Variants in NCOR1 observed in about 807,000 individuals in gnomAD.
NCOR1 encodes protein phosphatase 1, regulatory subunit 109.
In NCOR1, 63 loss-of-function variants were observed where a neutral mutation model predicts 288.1. The ratio of observed to expected loss-of-function variants is 0.22; its 90% confidence interval spans 0.18 to 0.27. NCOR1 has a LOEUF of 0.27. Among genes scored for constraint, NCOR1 ranks in the 10% least tolerant of loss-of-function variants. The pLI is 1.00. For missense variants in NCOR1, 2,397 were observed against 3,019.2 expected (o/e 0.79, Z 4.83); for synonymous variants, 1,007 against 1,065.9 (o/e 0.94, Z 1.08).
chr17:16,056,595 C>T (rs1180090276), intron 40 of NCOR1, among the ~76,000 whole-genome samples: 3 of 151,820 alleles, frequency 2.0e-5, no homozygotes, highest in Non-Finnish European at 4.4e-5. Context: ...GGATTACAGG[C>T]GTGAGCCACC....
chr17:16,141,029 T>C (rs2077081665), intron 11 of NCOR1, among the ~76,000 whole-genome samples: 2 of 145,286 alleles, frequency 1.4e-5, no homozygotes, highest in African/African-American at 5.3e-5. Context: ...TCACTTGTCC[T>C]GATATTATGC....
intron 40 of NCOR1, among the ~76,000 whole-genome samples, chr17:16,054,850 T>C (rs1295726260): frequency 2.6e-5 from 4 of 152,192 alleles, no homozygotes; most frequent in African/African-American, 4.8e-5. Flanking sequence ...GAGAATCACT[T>C]GAACCTGGGA....
At chr17:16,180,141 CA>C (rs1181244027) in intron 3 of NCOR1, among the ~76,000 whole-genome samples, 1 of 151,858 alleles carries the variant, frequency 6.6e-6, no homozygotes, top group African/African-American at 2.4e-5. Context: ...GACATTTCTC[CA>C]AAGAAAACAT....
chr17:16,165,667 A>T (rs966737680), intron 4 of NCOR1, among the ~76,000 whole-genome samples: 3 of 152,200 alleles, frequency 2.0e-5, no homozygotes, highest in African/African-American at 7.2e-5. Context: ...CAGAGAAGTG[A>T]CCTAGGAACT....
chr17:16,174,111 TG>T (rs1332473012), intron 3 of NCOR1, among the ~76,000 whole-genome samples: 3 of 152,232 alleles, frequency 2.0e-5, no homozygotes, highest in Non-Finnish European at 2.9e-5. Flanking sequence ...TGTCATTAAA[TG>T]ACAATACTAC....
At chr17:16,116,624 C>T (rs551000223) in intron 18 of NCOR1, among the ~76,000 whole-genome samples, 1 of 152,302 alleles carries the variant, frequency 6.6e-6, no homozygotes, top group Non-Finnish European at 1.5e-5. Flanking sequence ...TCTAAAATGA[C>T]ATTCCATGAA....
In NCOR1 at chr17:16,075,690, G is replaced by C; in HGVS notation, c.3514C>G (p.Leu1172Val). Residue 1172 changes from leucine to valine, a missense_variant, in exon 27 of 46, where the codon CTG becomes GTG. Physicochemically the swap from Leu to Val is conservative, Grantham distance 32 (BLOSUM62 1). This residue lies in a region of NCOR1 where 1,872 missense variants were observed against 2,187.8 expected (regional missense o/e 0.86). Coordinates refer to ENST00000268712, the MANE Select transcript of NCOR1 (RefSeq NM_006311.4). ...RGSITQGTPA[L>V]PQTGIPTEAL... is the part of the protein sequence containing the mutation. ...TCTGTTGGTATGCCAGTCTGGGGCA[G>C]AGCCGGGGTGCCCTGCCATCAAATC... is the stretch of plus-strand genomic sequence containing the variant. The C allele has an allele frequency of 6.2e-7, 1 of 1,614,144 alleles. No individual in the cohort carries two copies. The highest frequency in any genetic ancestry group is 1.1e-5 in the South Asian group (1 of 91,066).
chr17:16,174,099 A>G (rs900112514), intron 3 of NCOR1, among the ~76,000 whole-genome samples: 6 of 152,246 alleles, frequency 3.9e-5, no homozygotes, highest in African/African-American at 1.4e-4. Context: ...GTTGGAAGAT[A>G]ATGTCATTAA....
intron 33 of NCOR1, 27 bp downstream of exon 33, chr17:16,065,458 C>T (rs753037248): frequency 6.8e-6 from 11 of 1,609,758 alleles, no homozygotes; most frequent in African/African-American, 5.3e-5. Context: ...ATAAATTCTA[C>T]GAAATCTGAA....
At chr17:16,180,674 G>C (rs955624277) in intron 3 of NCOR1, among the ~76,000 whole-genome samples, 1 of 152,068 alleles carries the variant, frequency 6.6e-6, no homozygotes, top group African/African-American at 2.4e-5. Flanking sequence ...TTTGAGCCTG[G>C]GAGGTCCAGG....
intron 44 of NCOR1, among the ~76,000 whole-genome samples, chr17:16,036,415 G>A (rs1239682868): frequency 1.3e-5 from 2 of 152,156 alleles, no homozygotes; most frequent in African/African-American, 4.8e-5. Flanking sequence ...AATGGTAAAG[G>A]AGCACTGGCT....
chr17:16,116,297 T>A (rs574030635), intron 18 of NCOR1, among the ~76,000 whole-genome samples: 3 of 152,194 alleles, frequency 2.0e-5, no homozygotes, highest in Non-Finnish European at 4.4e-5. Context: ...TATAACATCA[T>A]GAAATGGCCA....
chr17:16,095,595 T>C (rs1248641248), intron 21 of NCOR1, among the ~76,000 whole-genome samples: 1 of 50,438 alleles, frequency 2.0e-5, no homozygotes, highest in Non-Finnish European at 3.9e-5. Flanking sequence ...GGGTCGCCTC[T>C]GCCCGGCCGC....
chr17:16,068,117 T>C lies in NCOR1; in HGVS notation c.4518A>G (p.Thr1506=). 6.2e-7 allele frequency: 1 copy of C among 1,604,916 alleles called. No homozygotes were observed. The highest frequency in any genetic ancestry group is 8.5e-7 in the Non-Finnish European group (1 of 1,174,446). ...GATTGGTAGACTTGTTAGAAGAAAT[T>C]GTAACTGGAAAAAAAGAGCCAATGC... ...SPMMNRTSDV[T]ISSNKSTNHE... is the part of the protein sequence containing the mutation. The change falls in exon 32 of 46, where the codon ACA becomes ACG. Residue 1506 remains threonine (T), a synonymous_variant. Transcript: ENST00000268712.
Position 16,071,450 on chromosome 17 carries a change from C to A in NCOR1, c.4111G>T (p.Val1371Phe), listed in dbSNP as rs753885065. 2 of 1,614,174 alleles carry A rather than the reference C, an allele frequency of 1.2e-6. No individual in the cohort carries two copies. Among genetic ancestry groups the A allele is most frequent in the Non-Finnish European group, 1.7e-6 (2 of 1,180,038 alleles). ...TCAATTATCGGCCGTGTGCTCTGGA[C>A]CACTTCTGGAGTTTTCCGACTTTCC... ...TQESRKTPEV[V>F]QSTRPIIEGS... is the part of the protein sequence containing the mutation. The change falls in exon 30 of 46, where the codon GTC becomes TTC. Residue 1371 changes from valine to phenylalanine, a missense_variant. Transcript: ENST00000268712.
In NCOR1 at chr17:16,143,472, T is replaced by A; in HGVS notation, c.1173+134A>T. 3 of 648,954 alleles carry A rather than the reference T, an allele frequency of 4.6e-6. No individual in the cohort carries two copies. In the South Asian group the frequency reaches 6.6e-5, roughly 14 times the overall value. The allele number at this position is 648,954 out of a possible 1,614,324, so 40.2% of individuals were successfully genotyped here. A position where few individuals can be genotyped will look rare whatever the true frequency, so the allele number is the denominator to read the frequency against. ...CGTTTAAAAACCCTTTAACAGACAC[T>A]CAAATCTTTGACAGTCTAAACTCTA... On this transcript the variant is annotated intron_variant, in intron 11 of 45. Transcript: ENST00000268712.
intron 43 of NCOR1, chr17:16,040,010 G>C: frequency 2.6e-6 from 1 of 390,504 alleles, no homozygotes; most frequent in South Asian, 2.1e-5. Context: ...GGCTGATCTC[G>C]AATTCCGAAC....
At chr17:16,065,983 G>T in intron 32 of NCOR1, 1 of 410,368 alleles carries the variant, frequency 2.4e-6, no homozygotes. Context: ...ATTTTTACCT[G>T]GCATCTGCAA....
At chr17:16,107,234 G>A (rs2068961594) in intron 19 of NCOR1, among the ~76,000 whole-genome samples, 1 of 151,780 alleles carries the variant, frequency 6.6e-6, no homozygotes, top group Non-Finnish European at 1.5e-5. Context: ...CTTTGTTATG[G>A]ACTGCATTGT....
Sources: allele counts gnomAD v4.1 joint callset (sites outside exome capture counted in the v4.1 genomes callset), GRCh38; gene constraint gnomAD v4.1.1; regional missense constraint gnomAD v4.1.1; transcripts MANE v1.5; gene names NCBI Gene and HGNC (gene_info 2026-07-23, HGNC 2026-07-21).